STAT3: variants seen among roughly 807,000 people sequenced by gnomAD.
STAT3 encodes the protein DNA-binding protein APRF.
STAT3 carries 7 observed loss-of-function variants against 114.3 expected under a neutral mutation model. The observed-to-expected ratio is 0.06, with a 90% CI of 0.03 to 0.11. The LOEUF is 0.11. Among genes scored for constraint, STAT3 ranks in the 10% least tolerant of loss-of-function variants. The pLI is 1.00. For synonymous variants in STAT3, 331 were observed against 354.5 expected (o/e 0.93, Z 0.74); for missense variants, 364 against 960.9 (o/e 0.38, Z 8.21).
At chr17:42,380,731 G>A (rs999727567) in intron 1 of STAT3, among the ~76,000 whole-genome samples, 6 of 152,092 alleles carry the variant, frequency 3.9e-5, no homozygotes, top group Middle Eastern at 3.2e-3. Context: ...CCTAGGCAAC[G>A]TGACGAGATC....
chr17:42,385,861 C>T (rs2085073111), intron 1 of STAT3, among the ~76,000 whole-genome samples: 1 of 152,132 alleles, frequency 6.6e-6, no homozygotes, highest in Admixed American at 6.5e-5. Context: ...TTAGACATAG[C>T]AATTAGAAAA....
intron 1 of STAT3, among the ~76,000 whole-genome samples, chr17:42,381,642 G>C (rs556826932): frequency 6.6e-6 from 1 of 151,518 alleles, no homozygotes; most frequent in East Asian, 1.9e-4. Flanking sequence ...TGAGGCAGGA[G>C]AGTGGCGTGA....
In STAT3 at chr17:42,324,765, T is replaced by C; in HGVS notation, c.1546A>G (p.Thr516Ala). ...TGCTCGATGCTCAGTCCTCGCTTGG[T>C]GGTGGAGGAGAACTGCCAGCTCAGG... Reference protein sequence around the residue: ...EVLSWQFSSTTKRGLSIEQLT... With the variant: ...EVLSWQFSSTAKRGLSIEQLT... Residue 516 changes from threonine to alanine, a missense_variant, in exon 17 of 24, where the codon ACC becomes GCC. By Grantham distance (58) the Thr-to-Ala change is moderately conservative (BLOSUM62 0). Around this residue, in one of 5 missense-constraint regions of STAT3, gnomAD observed 294 missense variants for 745.1 expected, o/e 0.39. Coordinates refer to ENST00000264657, the MANE Select transcript of STAT3 (RefSeq NM_139276.3). This position sits in a 1 kb window ranked among gnomAD's most constrained non-coding sequence, Gnocchi z 4.5. 6.2e-7 allele frequency: 1 copy of C among 1,614,106 alleles called. No homozygotes were observed. Among genetic ancestry groups the C allele is most frequent in the Non-Finnish European group, 8.5e-7 (1 of 1,180,016 alleles).
At chr17:42,331,646 G>T in intron 10 of STAT3, 115 bp from the exon 11 acceptor site, 1 of 851,180 alleles carries the variant, frequency 1.2e-6, no homozygotes, top group Non-Finnish European at 1.9e-6. Flanking sequence ...AGGCCAAGCT[G>T]TCTATAATTA....
At chr17:42,380,890 G>C (rs1317922657) in intron 1 of STAT3, among the ~76,000 whole-genome samples, 2 of 152,168 alleles carry the variant, frequency 1.3e-5, no homozygotes, top group South Asian at 2.1e-4. Context: ...TCCAGCCTAG[G>C]TGACAGAGTG....
chr17:42,345,389 G>T (rs369533171), intron 4 of STAT3, 170 bp downstream of exon 4: 4 of 632,826 alleles, frequency 6.3e-6, no homozygotes, highest in Non-Finnish European at 1.1e-5. Context: ...ATGTATTTTG[G>T]GGGGTGGAAC....
chr17:42,322,887 G>GA, intron 20 of STAT3, 117 bp downstream of exon 20: 2 of 1,452,486 alleles, frequency 1.4e-6, no homozygotes, highest in Middle Eastern at 2.4e-4. Context: ...GAGTCTGAGT[G>GA]AAACAGGGAG....
intron 4 of STAT3, among the ~76,000 whole-genome samples, chr17:42,344,037 A>G (rs2082575044): frequency 6.6e-6 from 1 of 152,100 alleles, no homozygotes; most frequent in South Asian, 2.1e-4. Context: ...AGACATCCTT[A>G]TCTTTTGCTG....
intron 1 of STAT3, among the ~76,000 whole-genome samples, chr17:42,363,809 C>T (rs2083638694): frequency 6.6e-6 from 1 of 151,940 alleles, no homozygotes; most frequent in South Asian, 2.1e-4. Context: ...CCTCCTTGCC[C>T]CCCACCCACA....
In STAT3 at chr17:42,325,022, G is replaced by T; in HGVS notation, c.1405C>A (p.Gln469Lys). The change falls in exon 16 of 24, where the codon CAG (glutamine) becomes AAG (lysine). Residue 469 changes from glutamine to lysine, a missense_variant. Around this residue, in one of 5 missense-constraint regions of STAT3, gnomAD observed 294 missense variants for 745.1 expected, o/e 0.39. Coordinates refer to ENST00000264657, the MANE Select transcript of STAT3 (RefSeq NM_139276.3). The part of the protein sequence containing the change: ...LPVVVISNIC[Q>K]MPNAWASILW... ...ATGGACGCCCAGGCATTTGGCATCT[G>T]ACAGATGTTGGAGATCACCACAACT... is the stretch of plus-strand genomic sequence containing the variant. 6.2e-7 allele frequency: 1 copy of T among 1,614,104 alleles called. No homozygotes were observed. The highest frequency in any genetic ancestry group is 1.1e-5 in the South Asian group (1 of 91,068).
At chr17:42,367,788 G>A (rs1325721904) in intron 1 of STAT3, among the ~76,000 whole-genome samples, 1 of 152,130 alleles carries the variant, frequency 6.6e-6, no homozygotes. Context: ...ACATTCTTCA[G>A]TTCACTGCTA....
intron 21 of STAT3, 71 bp from the exon 22 acceptor site, chr17:42,317,295 A>G (rs1219076734): frequency 5.8e-6 from 9 of 1,555,084 alleles, no homozygotes; most frequent in African/African-American, 1.4e-5. Context: ...GGAGGAAGCC[A>G]TCTGCCTCGG....
intron 1 of STAT3, among the ~76,000 whole-genome samples, chr17:42,351,936 T>G (rs1458961402): frequency 6.6e-6 from 1 of 151,974 alleles, no homozygotes; most frequent in Non-Finnish European, 1.5e-5. Flanking sequence ...TTTTTTTTTT[T>G]GTATTTTTTA....
intron 8 of STAT3, among the ~76,000 whole-genome samples, chr17:42,336,156 C>T (rs749817217): frequency 2.0e-5 from 3 of 152,064 alleles, no homozygotes; most frequent in South Asian, 2.1e-4. Context: ...TGTAGAGTTG[C>T]GCTAAATTTC....
intron 1 of STAT3, among the ~76,000 whole-genome samples, chr17:42,384,138 T>TATTA (rs1485447129): frequency 6.7e-6 from 1 of 149,234 alleles, no homozygotes; most frequent in African/African-American, 2.5e-5. Flanking sequence ...ATTTATTTTT[T>TATTA]TTTTTTTTGA....
chr17:42,316,810 G>T lies in STAT3; in HGVS notation c.2236C>A (p.Pro746Thr). Reference protein sequence around the residue: ...QFGNNGEGAEPSAGGQFESLT... With the variant: ...QFGNNGEGAETSAGGQFESLT... Reference sequence around the variant, plus strand: ...TCACCAAACTGCCCTCCTGCTGAGGGTTCAGCACCTTCACCATTATTTCCA... The same window carrying T: ...TCACCAAACTGCCCTCCTGCTGAGGTTTCAGCACCTTCACCATTATTTCCA... Residue 746 changes from proline to threonine, a missense_variant, in exon 23 of 24, where the codon CCC (proline) becomes ACC (threonine). Transcript: ENST00000264657. 1 of 1,613,742 alleles carries T rather than the reference G, an allele frequency of 6.2e-7. No homozygotes were observed. Among genetic ancestry groups the T allele is most frequent in the Non-Finnish European group, 8.5e-7 (1 of 1,179,954 alleles).
At chr17:42,330,387 AT>A (rs1388357229) in intron 11 of STAT3, among the ~76,000 whole-genome samples, 1 of 150,116 alleles carries the variant, frequency 6.7e-6, no homozygotes. Flanking sequence ...AAGTGCTGAG[AT>A]TACAGGCGTG....
chr17:42,381,365 G>A (rs996303807), intron 1 of STAT3, among the ~76,000 whole-genome samples: 2 of 152,106 alleles, frequency 1.3e-5, no homozygotes, highest in African/African-American at 2.4e-5. Context: ...AAGCCGGATC[G>A]TCGAAGCATT....
At chr17:42,345,433 T>C in intron 4 of STAT3, 126 bp downstream of exon 4, 1 of 808,080 alleles carries the variant, frequency 1.2e-6, no homozygotes, top group Non-Finnish European at 2.0e-6. Context: ...AATGTATTTT[T>C]ATGATTATTG....
Sources: gnomAD v4.1 joint callset for allele counts (sites outside exome capture counted in the v4.1 genomes callset) on GRCh38, gnomAD v4.1.1 for gene constraint, gnomAD v4.1.1 regional missense constraint, Gnocchi (gnomAD v3.1) non-coding constraint, MANE v1.5 for transcripts, NCBI Gene and HGNC (gene_info 2026-07-23, HGNC 2026-07-21) for gene names.